Variants in MED12L observed in about 807,000 individuals in gnomAD.
MED12L encodes the protein mediator complex subunit 12L.
A neutral mutation model predicts 281.3 loss-of-function variants in MED12L; 60 were observed. That is an observed-to-expected ratio of 0.21 (90% CI 0.17 to 0.26). The LOEUF is 0.26. Among genes scored for constraint, MED12L ranks in the 10% least tolerant of loss-of-function variants. MED12L has a pLI of 1.00. For synonymous variants in MED12L, 974 were observed against 987.2 expected, an observed-to-expected ratio of 0.99 and a Z score of 0.25; for missense variants, 2,146 against 2,680.9, an observed-to-expected ratio of 0.80 and a Z score of 4.41.
intron 16 of MED12L, among the ~76,000 whole-genome samples, chr3:151,260,559 G>C (rs7621211): frequency 0.47 from 71,205 of 151,830 alleles, 16,828 homozygotes; most frequent in Middle Eastern, 0.65. Context: ...CAATGTTGCC[G>C]TGGTCGGTCT....
intron 43 of MED12L, among the ~76,000 whole-genome samples, chr3:151,423,580 A>G (rs927100206): frequency 1.2e-4 from 19 of 152,170 alleles, no homozygotes; most frequent in African/African-American, 3.9e-4. Flanking sequence ...AGACATGGGT[A>G]CCCTTGCTGG....
At chr3:151,355,414 A>T (rs1405299183) in intron 18 of MED12L, among the ~76,000 whole-genome samples, 175 bp downstream of exon 18, 1 of 152,210 alleles carries the variant, frequency 6.6e-6, no homozygotes, top group African/African-American at 2.4e-5. Flanking sequence ...GCCTTCCTCG[A>T]AGGATTAATT....
chr3:151,216,302 CCTTGATG>C (rs1728206840), intron 16 of MED12L, among the ~76,000 whole-genome samples: 1 of 152,150 alleles, frequency 6.6e-6, no homozygotes, highest in South Asian at 2.1e-4. Flanking sequence ...ACAGTGGGTA[CCTTGATG>C]TCAGAGAATG....
intron 28 of MED12L, among the ~76,000 whole-genome samples, 156 bp from the exon 29 acceptor site, chr3:151,376,640 AATAT>A (rs1180863388): frequency 2.0e-5 from 3 of 152,204 alleles, no homozygotes; most frequent in African/African-American, 7.2e-5. Flanking sequence ...ATCGCTACTG[AATAT>A]ATATGCAGCA....
chr3:151,257,056 T>C (rs1331052857), intron 16 of MED12L, among the ~76,000 whole-genome samples: 4 of 152,224 alleles, frequency 2.6e-5, no homozygotes. Context: ...ACGATACAGC[T>C]GCTTCTGAGA....
chr3:151,098,496 C>T (rs1468257899), intron 2 of MED12L, among the ~76,000 whole-genome samples: 1 of 152,222 alleles, frequency 6.6e-6, no homozygotes, highest in Non-Finnish European at 1.5e-5. Flanking sequence ...TCTTCCTTGC[C>T]TCCTTCAGCC....
intron 16 of MED12L, among the ~76,000 whole-genome samples, chr3:151,233,626 G>C (rs1257330326): frequency 3.9e-5 from 6 of 152,156 alleles, no homozygotes; most frequent in Admixed American, 2.6e-4. Flanking sequence ...CCAGCTACTC[G>C]GGAGGCTGAG....
chr3:151,158,647 T>G, intron 6 of MED12L, 42 bp from the exon 7 acceptor site: 1 of 1,386,270 alleles, frequency 7.2e-7, no homozygotes, highest in Non-Finnish European at 1.0e-6. Context: ...TTTGTTTTTT[T>G]TCTTTAACAT....
chr3:151,289,911 T>C (rs1272932469), intron 16 of MED12L, among the ~76,000 whole-genome samples: 1 of 151,872 alleles, frequency 6.6e-6, no homozygotes, highest in Non-Finnish European at 1.5e-5. Context: ...GACAGAGTCT[T>C]GCTCTGTCAC....
chr3:151,096,377 G>A (rs763113546), intron 2 of MED12L, among the ~76,000 whole-genome samples: 16 of 142,646 alleles, frequency 1.1e-4, no homozygotes, highest in Admixed American at 2.1e-4. Context: ...CACTCCCCCC[G>A]CCCCACACCC....
At chr3:151,397,321 C>T (rs974021056) in intron 39 of MED12L, among the ~76,000 whole-genome samples, 1 of 152,124 alleles carries the variant, frequency 6.6e-6, no homozygotes, top group African/African-American at 2.4e-5. Context: ...TCTCATCATT[C>T]TTCAAGTGTT....
intron 16 of MED12L, among the ~76,000 whole-genome samples, chr3:151,292,804 A>G (rs1422639420): frequency 6.6e-6 from 1 of 152,118 alleles, no homozygotes; most frequent in Non-Finnish European, 1.5e-5. Flanking sequence ...CCTCCTCTAT[A>G]TATATACGGA....
intron 42 of MED12L, among the ~76,000 whole-genome samples, chr3:151,413,780 T>C (rs1183894487): frequency 6.6e-6 from 1 of 152,234 alleles, no homozygotes; most frequent in Non-Finnish European, 1.5e-5. Flanking sequence ...AAAGGATATT[T>C]CATCTTGTCT....
At chr3:151,403,608 G>T (rs1413957320) in intron 39 of MED12L, among the ~76,000 whole-genome samples, 2 of 152,078 alleles carry the variant, frequency 1.3e-5, no homozygotes, top group Admixed American at 1.3e-4. Flanking sequence ...TGCTTTGCCT[G>T]GGCTAGCTAA....
At chr3:151,117,752 A>AT (rs1713058874) in intron 3 of MED12L, among the ~76,000 whole-genome samples, 3 of 151,706 alleles carry the variant, frequency 2.0e-5, no homozygotes, top group African/African-American at 4.9e-5. Flanking sequence ...GTGCTCAAAA[A>AT]ATTTTTTTAA....
intron 10 of MED12L, 143 bp downstream of exon 10, chr3:151,165,662 G>A (rs531121212): frequency 1.1e-6 from 1 of 918,464 alleles, no homozygotes; most frequent in East Asian, 2.5e-5. Context: ...TTCAGTTTAT[G>A]CCTTTTAGAT....
At chr3:151,313,432 G>A (rs1431442185) in intron 16 of MED12L, among the ~76,000 whole-genome samples, 3 of 152,066 alleles carry the variant, frequency 2.0e-5, no homozygotes, top group African/African-American at 7.2e-5. Context: ...TTGACTGTGG[G>A]CAGTGGTTCA....
At chr3:151,361,831 A>G (rs2150082512) in intron 21 of MED12L, among the ~76,000 whole-genome samples, 1 of 152,238 alleles carries the variant, frequency 6.6e-6, no homozygotes, top group African/African-American at 2.4e-5. Flanking sequence ...TACTTCAAAT[A>G]GCATCCCCAA....
intron 17 of MED12L, among the ~76,000 whole-genome samples, chr3:151,351,110 A>G (rs905008689): frequency 1.7e-4 from 26 of 152,308 alleles, no homozygotes; most frequent in African/African-American, 5.8e-4. Flanking sequence ...TCTGTAGTAC[A>G]TATACTTTTT....
Sources: gnomAD v4.1 joint callset for allele counts (sites outside exome capture counted in the v4.1 genomes callset) on GRCh38, gnomAD v4.1.1 for gene constraint, MANE v1.5 for transcripts, NCBI Gene and HGNC (gene_info 2026-07-23, HGNC 2026-07-21) for gene names.